The following RAB11FIP2 variants were observed in gnomAD, a reference collection of about 807,000 sequenced individuals.
RAB11FIP2 encodes the protein rab11 family-interacting protein 2.
Under a neutral mutation model 40.9 loss-of-function variants are expected in RAB11FIP2, and 16 were observed. That is an observed-to-expected ratio of 0.39 (90% confidence interval 0.26 to 0.59). RAB11FIP2 has a LOEUF of 0.59. Ranked by LOEUF, RAB11FIP2 falls within the 20% of genes least tolerant of loss-of-function variation. The pLI is 0.53. For synonymous variants in RAB11FIP2, 228 were observed against 213.7 expected (o/e 1.07, Z -0.58); for missense variants, 532 against 606.2 (o/e 0.88, Z 1.28).
In RAB11FIP2 at chr10:118,040,155, T is replaced by C. The variant is rs1403410960; in HGVS notation, c.764A>G (p.Gln255Arg). The part of the protein sequence containing the change: ...TIGQTHLLGH[Q>R]LDSFGTVPES... The stretch of plus-strand genomic sequence containing the variant: ...TGGAACTGTTCCAAAGGAATCTAAC[T>C]GGTGTCCGAGAAGATGTGTTTGACC... Residue 255 changes from glutamine (Q) to arginine (R), a missense_variant, in exon 2 of 5, where the codon CAG (glutamine) becomes CGG (arginine). Transcript: ENST00000355624. The C allele has an allele frequency of 2.5e-6, 4 of 1,613,600 alleles. No homozygotes were observed. Among genetic ancestry groups the C allele is most frequent in the African/African-American group, 1.3e-5 (1 of 74,894 alleles).
intron 3 of RAB11FIP2, 34 bp from the exon 4 acceptor site, chr10:118,015,144 T>C: frequency 6.4e-7 from 1 of 1,561,594 alleles, no homozygotes; most frequent in Non-Finnish European, 8.8e-7. Flanking sequence ...AAAAGTGTCA[T>C]AACTCATGTG....
In RAB11FIP2 at chr10:118,009,123, T is replaced by A. The variant is rs1392557084; in HGVS notation, c.1414A>T (p.Thr472Ser). 6.2e-7 allele frequency: 1 copy of A among 1,613,494 alleles called. No individual in the cohort carries two copies. The highest frequency in any genetic ancestry group is 1.7e-5 in the Admixed American group (1 of 59,972). ...TAGTCCTCGAGTTCCCGGATGTGGG[T>A]GTCTTTCCTCCTAAGGAGTTCTTTG... is the stretch of plus-strand genomic sequence containing the variant. ...KHKELLRRKD[T>S]HIRELEDYID... The change falls in exon 5 of 5, where the codon ACC becomes TCC. Residue 472 changes from threonine (T) to serine (S), a missense_variant. Transcript: ENST00000355624.
intron 1 of RAB11FIP2, among the ~76,000 whole-genome samples, chr10:118,044,444 A>G (rs981939102): frequency 1.9e-4 from 29 of 152,194 alleles, no homozygotes; most frequent in Non-Finnish European, 1.6e-4. Flanking sequence ...AATTTGATAA[A>G]GAATCCCTCG....
intron 3 of RAB11FIP2, among the ~76,000 whole-genome samples, chr10:118,020,247 A>T (rs563219861): frequency 1.3e-5 from 2 of 152,296 alleles, no homozygotes; most frequent in East Asian, 1.9e-4. Flanking sequence ...GAGCTGCTCT[A>T]AACTGTCAGT....
chr10:118,032,445 T>G (rs1047604760), intron 3 of RAB11FIP2, among the ~76,000 whole-genome samples: 2 of 151,870 alleles, frequency 1.3e-5, no homozygotes, highest in African/African-American at 4.8e-5. Context: ...CAGCCATATC[T>G]TTTACTCCTT....
chr10:118,042,521 A>G (rs576699647), intron 1 of RAB11FIP2, among the ~76,000 whole-genome samples: 85 of 152,350 alleles, frequency 5.6e-4, no homozygotes, highest in African/African-American at 2.0e-3. Context: ...AAGGTTAACC[A>G]CATGGCTGGC....
At chr10:118,035,726 G>A (rs1437658996) in intron 3 of RAB11FIP2, among the ~76,000 whole-genome samples, 1 of 152,092 alleles carries the variant, frequency 6.6e-6, no homozygotes, top group Admixed American at 6.6e-5. Context: ...GGCAAAAAAA[G>A]TGAGACTAAG....
intron 3 of RAB11FIP2, among the ~76,000 whole-genome samples, chr10:118,030,867 G>A (rs1377361490): frequency 6.6e-6 from 1 of 152,046 alleles, no homozygotes; most frequent in African/African-American, 2.4e-5. Flanking sequence ...CTATTATAAT[G>A]AGTATTAGGA....
chr10:118,017,369 T>C (rs1488244683), intron 3 of RAB11FIP2: 5 of 152,246 alleles, frequency 3.3e-5, no homozygotes, highest in Admixed American at 3.3e-4. Context: ...GCACTCCGGA[T>C]AATTAAATTT....
chr10:118,009,547 A>T (rs567624175), intron 4 of RAB11FIP2, among the ~76,000 whole-genome samples: 109 of 152,286 alleles, frequency 7.2e-4, no homozygotes, highest in African/African-American at 2.6e-3. Flanking sequence ...CAACTAAAAT[A>T]GATGAAAACT....
chr10:118,015,714 G>A (rs1429025327), intron 3 of RAB11FIP2, among the ~76,000 whole-genome samples: 1 of 152,178 alleles, frequency 6.6e-6, no homozygotes, highest in African/African-American at 2.4e-5. Context: ...CCCATGCAGA[G>A]AAGAAAACAT....
At chr10:118,025,697 AC>A (rs1846334413) in intron 3 of RAB11FIP2, among the ~76,000 whole-genome samples, 1 of 152,164 alleles carries the variant, frequency 6.6e-6, no homozygotes, top group Admixed American at 6.5e-5. Flanking sequence ...CATCTTCACT[AC>A]TACTTCTAAC....
At chr10:118,026,514 C>T (rs991085757) in intron 3 of RAB11FIP2, among the ~76,000 whole-genome samples, 2 of 152,236 alleles carry the variant, frequency 1.3e-5, no homozygotes, top group Middle Eastern at 3.4e-3. Context: ...GACACCAGTG[C>T]CTGTGTGAAT....
chr10:118,029,652 A>G (rs1443129091), intron 3 of RAB11FIP2, among the ~76,000 whole-genome samples: 7 of 152,164 alleles, frequency 4.6e-5, no homozygotes, highest in Non-Finnish European at 1.0e-4. Flanking sequence ...CAGAGCTGAA[A>G]TTCAGAAAAA....
chr10:118,016,547 C>T (rs551859588), intron 3 of RAB11FIP2, among the ~76,000 whole-genome samples: 3 of 152,266 alleles, frequency 2.0e-5, no homozygotes, highest in Non-Finnish European at 2.9e-5. Flanking sequence ...CTCTGATTTT[C>T]GATCCAAGGT....
chr10:118,023,804 G>C (rs1052335169), intron 3 of RAB11FIP2, among the ~76,000 whole-genome samples: 1 of 152,108 alleles, frequency 6.6e-6, no homozygotes, highest in Non-Finnish European at 1.5e-5. Context: ...CATTTCTCCT[G>C]GTAAAGAACA....
intron 3 of RAB11FIP2, among the ~76,000 whole-genome samples, chr10:118,035,638 A>T (rs1421048172): frequency 2.0e-5 from 3 of 152,098 alleles, no homozygotes; most frequent in Non-Finnish European, 4.4e-5. Flanking sequence ...CCTGCTACCT[A>T]CCAAGCATCA....
intron 3 of RAB11FIP2, among the ~76,000 whole-genome samples, chr10:118,015,712 G>A (rs563705696): frequency 2.0e-5 from 3 of 152,288 alleles, no homozygotes; most frequent in Admixed American, 2.0e-4. Flanking sequence ...CTCCCATGCA[G>A]AGAAGAAAAC....
At chr10:118,021,438 G>A (rs1846282188) in intron 3 of RAB11FIP2, among the ~76,000 whole-genome samples, 1 of 152,072 alleles carries the variant, frequency 6.6e-6, no homozygotes, top group African/African-American at 2.4e-5. Flanking sequence ...AGACCTGCTG[G>A]TGCACTCCCA....
Sources: gnomAD v4.1 joint callset for allele counts (sites outside exome capture counted in the v4.1 genomes callset) on GRCh38, gnomAD v4.1.1 for gene constraint, MANE v1.5 for transcripts, NCBI Gene and HGNC (gene_info 2026-07-23, HGNC 2026-07-21) for gene names.